The following BAIAP2 variants were observed in gnomAD, a reference collection of about 807,000 sequenced individuals.
BAIAP2 encodes BAR/IMD domain-containing adapter protein 2.
Under a neutral mutation model 63.0 loss-of-function variants are expected in BAIAP2, and 18 were observed. The observed-to-expected ratio is 0.29, with a 90% CI of 0.20 to 0.42. The LOEUF is 0.42. Ranked by LOEUF, BAIAP2 falls within the 10% of genes least tolerant of loss-of-function variation. The probability of loss-of-function intolerance (pLI) is 1.00; values close to 1 mark genes in which losing one functional copy is unlikely to be tolerated. For synonymous variants in BAIAP2, 386 were observed against 307.6 expected (o/e 1.25, Z -2.67); for missense variants, 610 against 734.3 (o/e 0.83, Z 1.96).
At chr17:81,088,165 C>T (rs2056046250) in intron 6 of BAIAP2, among the ~76,000 whole-genome samples, 1 of 152,124 alleles carries the variant, frequency 6.6e-6, no homozygotes, top group Admixed American at 6.5e-5. Flanking sequence ...ATAGCCGCCT[C>T]CGAGCAGGTC....
In BAIAP2 at chr17:81,116,018, TGG is replaced by T. The variant is rs1175050009; in HGVS notation, c.*182_*183del. 3.4e-6 allele frequency: 5 copies of T among 1,460,838 alleles called. No individual in the cohort carries two copies. Among genetic ancestry groups the T allele is most frequent in the Non-Finnish European group, 4.5e-6 (5 of 1,109,134 alleles). 90.5% of individuals were successfully genotyped at this position (1,460,838 alleles called of 1,614,324 possible). A position where few individuals can be genotyped will look rare whatever the true frequency, so the allele number is the denominator to read the frequency against. On this transcript the variant is annotated 3_prime_UTR_variant, in exon 14 of 14. Coordinates refer to ENST00000428708, the MANE Select transcript of BAIAP2 (RefSeq NM_001144888.2). ...CTGTTCTAGGCAGGGCCGGGCAGAG[TGG>T]GGCGCAGGCCCCTGAAGGGCGAGAC...
chr17:81,083,336 C>G (rs945660828), intron 3 of BAIAP2: 24 of 152,272 alleles, frequency 1.6e-4, no homozygotes, highest in Admixed American at 7.8e-4. Flanking sequence ...CAGGGAGGGA[C>G]AGGAATCACC....
chr17:81,066,355 G>A (rs2051463481), intron 3 of BAIAP2, among the ~76,000 whole-genome samples: 1 of 152,256 alleles, frequency 6.6e-6, no homozygotes, highest in African/African-American at 2.4e-5. Context: ...CATTGTCCCT[G>A]CCTGAAACTG....
chr17:81,066,530 C>A (rs955213070), intron 3 of BAIAP2, among the ~76,000 whole-genome samples: 3 of 152,234 alleles, frequency 2.0e-5, no homozygotes, highest in African/African-American at 7.2e-5. Flanking sequence ...GGTGGTGCCC[C>A]TCCTGTCCCC....
chr17:81,115,685 A>G (rs2060475812), intron 13 of BAIAP2, 85 bp from the exon 14 acceptor site: 1 of 1,508,966 alleles, frequency 6.6e-7, no homozygotes. Context: ...GCACTGGGGA[A>G]TCCCTGGGGC....
intron 3 of BAIAP2, chr17:81,083,544 G>C (rs538020128): frequency 1.3e-5 from 2 of 152,232 alleles, no homozygotes; most frequent in African/African-American, 4.8e-5. Flanking sequence ...TGGGTCTCTC[G>C]TACCAACTCC....
At chr17:81,114,380 A>G (rs1470122027) in intron 13 of BAIAP2, among the ~76,000 whole-genome samples, 1 of 152,096 alleles carries the variant, frequency 6.6e-6, no homozygotes, top group Non-Finnish European at 1.5e-5. Context: ...GCAGGCAGAC[A>G]GGGCATGGGC....
intron 8 of BAIAP2, 48 bp from the exon 9 acceptor site, chr17:81,103,859 G>T (rs540871091): frequency 4.4e-6 from 7 of 1,606,532 alleles, no homozygotes; most frequent in East Asian, 2.2e-5. Context: ...CCCTGGTCTT[G>T]CCCGGGGTGG....
At chr17:81,053,498 T>A in intron 1 of BAIAP2, 170 bp from the exon 2 acceptor site, 1 of 682,626 alleles carries the variant, frequency 1.5e-6, no homozygotes, top group Non-Finnish European at 2.5e-6. Context: ...CCAAGGACAT[T>A]GATCAGGGGC....
At position 81,098,240 on chromosome 17, in the gene BAIAP2, C is replaced by T. The variant is rs765863014; in HGVS notation, c.490-1688C>T. The T allele has an allele frequency of 4.7e-5, 60 of 1,270,224 alleles. 2 individuals carry two copies. In the South Asian group the frequency reaches 1.1e-3, roughly 23 times the overall value. The allele number at this position is 1,270,224 out of a possible 1,614,324, so 78.7% of individuals were successfully genotyped here. A position where few individuals can be genotyped will look rare whatever the true frequency, so the allele number is the denominator to read the frequency against. ...CTGCACCCATGGGCAGGCTGGGAGGCGCCTCTGCCCAGGATGGGAGCACAG... is the reference window on the plus strand; with the variant it reads ...CTGCACCCATGGGCAGGCTGGGAGGTGCCTCTGCCCAGGATGGGAGCACAG... On this transcript the variant is annotated intron_variant, in intron 6 of 13. Transcript: ENST00000428708.
chr17:81,099,792 G>A (rs539184160), intron 6 of BAIAP2, 136 bp from the exon 7 acceptor site: 48 of 1,006,668 alleles, frequency 4.8e-5, no homozygotes, highest in South Asian at 2.1e-4. Context: ...CTGAGTGGCC[G>A]CAGATGCTGT....
chr17:81,055,188 C>T (rs2049269897), intron 2 of BAIAP2, among the ~76,000 whole-genome samples: 1 of 152,146 alleles, frequency 6.6e-6, no homozygotes, highest in South Asian at 2.1e-4. Context: ...GTTGGTCAGC[C>T]CTCGTTCCTT....
intron 1 of BAIAP2, among the ~76,000 whole-genome samples, chr17:81,049,445 C>T (rs963852779): frequency 1.3e-5 from 2 of 152,146 alleles, no homozygotes; most frequent in African/African-American, 4.8e-5. Context: ...GTTTCTCTCT[C>T]CTGGCCTAGG....
At chr17:81,067,897 C>T (rs2051801771) in intron 3 of BAIAP2, among the ~76,000 whole-genome samples, 1 of 152,206 alleles carries the variant, frequency 6.6e-6, no homozygotes, top group South Asian at 2.1e-4. Context: ...CACCAGTGCT[C>T]CCTAGGGAGG....
chr17:81,036,825 T>A, intron 1 of BAIAP2: 2 of 1,480,420 alleles, frequency 1.4e-6, no homozygotes, highest in Non-Finnish European at 1.8e-6. Context: ...ATTAAATTAT[T>A]AGTCATTAGC....
intron 3 of BAIAP2, among the ~76,000 whole-genome samples, chr17:81,077,543 G>C (rs929661726): frequency 6.3e-5 from 9 of 143,500 alleles, no homozygotes; most frequent in Non-Finnish European, 1.5e-5. Flanking sequence ...ACTTCAGCCT[G>C]GGTGACAGAG....
chr17:81,112,550 G>C (rs961612769), intron 13 of BAIAP2, among the ~76,000 whole-genome samples: 1 of 152,208 alleles, frequency 6.6e-6, no homozygotes, highest in East Asian at 1.9e-4. Context: ...GTCCATACTC[G>C]TCAGCGGAGG....
chr17:81,092,066 G>A (rs532149355), intron 6 of BAIAP2, among the ~76,000 whole-genome samples: 4 of 152,376 alleles, frequency 2.6e-5, no homozygotes, highest in Admixed American at 1.3e-4. Flanking sequence ...TGGGGGTGTA[G>A]CATGCTGTGT....
At chr17:81,060,211 C>T (rs1012342016) in intron 3 of BAIAP2, among the ~76,000 whole-genome samples, 1 of 152,208 alleles carries the variant, frequency 6.6e-6, no homozygotes, top group Non-Finnish European at 1.5e-5. Flanking sequence ...ACAGTTACCC[C>T]ATTAGAGTGT....
Sources: allele counts gnomAD v4.1 joint callset (sites outside exome capture counted in the v4.1 genomes callset), GRCh38; gene constraint gnomAD v4.1.1; transcripts MANE v1.5; gene names NCBI Gene and HGNC (gene_info 2026-07-23, HGNC 2026-07-21).